The following BCHE variants were observed in gnomAD, a reference collection of about 807,000 sequenced individuals.
The protein encoded by BCHE is butyrylcholinesterase, also known as cholinesterase.
A neutral mutation model predicts 51.3 loss-of-function variants in BCHE; 48 were observed. The ratio of observed to expected loss-of-function variants is 0.94; its 90% CI spans 0.74 to 1.19. The LOEUF (loss-of-function observed/expected upper bound fraction) is 1.19. BCHE is among the 50% of genes most tolerant of loss of function. BCHE has a pLI of 0.00. For missense variants in BCHE, 847 were observed against 708.2 expected (o/e 1.20, Z -2.23); for synonymous variants, 251 against 238.0 (o/e 1.05, Z -0.50).
At chr3:165,831,915 T>C (rs1049801560) in intron 1 of BCHE, among the ~76,000 whole-genome samples, 2 of 152,192 alleles carry the variant, frequency 1.3e-5, no homozygotes, top group South Asian at 4.1e-4. Context: ...TTACTCAATA[T>C]GTATTCATAT....
In BCHE at chr3:165,786,176, T is replaced by C. The variant is rs750718617; in HGVS notation, c.1653A>G (p.Thr551=). The C allele has an allele frequency of 1.2e-6, 2 of 1,612,194 alleles. No individual in the cohort carries two copies. Among genetic ancestry groups the C allele is most frequent in the South Asian group, 1.1e-5 (1 of 91,046 alleles). ...KLRAQQCRFW[T]SFFPKVLEMT... ...TTTCCAAGACTTTTGGAAAAAATGA[T>C]GTCCAGAATCGACATTGTTGAGCAC... The change falls in exon 3 of 4, where the codon ACA becomes ACG. Residue 551 remains threonine (T), a synonymous_variant. Transcript: ENST00000264381.
At chr3:165,810,999 G>A (rs1714072203) in intron 2 of BCHE, among the ~76,000 whole-genome samples, 1 of 152,134 alleles carries the variant, frequency 6.6e-6, no homozygotes, top group East Asian at 1.9e-4. Context: ...GGAGTTATAC[G>A]TTAAATTGAC....
intron 2 of BCHE, among the ~76,000 whole-genome samples, chr3:165,788,299 G>T (rs936220335): frequency 3.3e-5 from 5 of 151,976 alleles, no homozygotes. Context: ...ATGAATTCAG[G>T]AGCTTTAGAG....
At chr3:165,833,432 A>G (rs1370744892) in intron 1 of BCHE, among the ~76,000 whole-genome samples, 1 of 152,120 alleles carries the variant, frequency 6.6e-6, no homozygotes, top group Non-Finnish European at 1.5e-5. Context: ...ACAAATCTGT[A>G]TAACATGTTC....
chr3:165,818,285 TAA>T (rs1714381376), intron 2 of BCHE, among the ~76,000 whole-genome samples: 1 of 152,000 alleles, frequency 6.6e-6, no homozygotes, highest in Non-Finnish European at 1.5e-5. Context: ...TCATTTTGGA[TAA>T]AGTTTACCTA....
At chr3:165,812,380 A>G (rs1214898361) in intron 2 of BCHE, among the ~76,000 whole-genome samples, 1 of 151,608 alleles carries the variant, frequency 6.6e-6, no homozygotes, top group East Asian at 1.9e-4. Flanking sequence ...TTTACTCTAT[A>G]TATAATTTTA....
At chr3:165,799,650 A>G (rs545513920) in intron 2 of BCHE, among the ~76,000 whole-genome samples, 2 of 152,282 alleles carry the variant, frequency 1.3e-5, no homozygotes, top group South Asian at 4.1e-4. Context: ...TACCATAAAC[A>G]TATATACAGA....
chr3:165,775,214 T>G (rs1455222131), intron 3 of BCHE, among the ~76,000 whole-genome samples: 1 of 152,040 alleles, frequency 6.6e-6, no homozygotes, highest in African/African-American at 2.4e-5. Context: ...TAAACCTTTT[T>G]GCAGACATTA....
intron 2 of BCHE, among the ~76,000 whole-genome samples, chr3:165,820,364 T>TA (rs1197957751): frequency 3.7e-4 from 57 of 152,102 alleles, no homozygotes; most frequent in Non-Finnish European, 2.5e-4. Flanking sequence ...CCATTTTTTT[T>TA]AAACCTACAT....
At position 165,829,604 on chromosome 3, in the gene BCHE, G is replaced by A. The variant is rs200151790; in HGVS notation, c.1430C>T (p.Pro477Leu). The change falls in exon 2 of 4, where the codon CCT becomes CTT. Residue 477 changes from proline to leucine, a missense_variant. Transcript: ENST00000264381. ...TGTGTAATTATCTCTTCTTTCCAGAGGTAAACCAAAGACAAATTCAATTTC... is the reference window on the plus strand; with the variant it reads ...TGTGTAATTATCTCTTCTTTCCAGAAGTAAACCAAAGACAAATTCAATTTC... Reference protein sequence around the residue: ...GYEIEFVFGLPLERRDNYTKA... With the variant: ...GYEIEFVFGLLLERRDNYTKA... 3.7e-6 allele frequency: 6 copies of A among 1,613,666 alleles called. No homozygotes were observed. The East Asian group carries it at 1.3e-4, about 36-fold the overall frequency.
intron 2 of BCHE, among the ~76,000 whole-genome samples, chr3:165,787,554 G>A (rs542889081): frequency 6.6e-6 from 1 of 151,970 alleles, no homozygotes; most frequent in Admixed American, 6.6e-5. Flanking sequence ...TGGGAATCTG[G>A]CTGAAAGAGA....
At chr3:165,819,813 T>C (rs1181258615) in intron 2 of BCHE, among the ~76,000 whole-genome samples, 2 of 152,134 alleles carry the variant, frequency 1.3e-5, no homozygotes, top group Non-Finnish European at 2.9e-5. Context: ...AATATATAAA[T>C]TCACATTTTA....
intron 2 of BCHE, among the ~76,000 whole-genome samples, chr3:165,821,595 G>A (rs1714519789): frequency 6.6e-6 from 1 of 151,852 alleles, no homozygotes; most frequent in African/African-American, 2.4e-5. Context: ...AAACATTAGA[G>A]AACAAATTAT....
intron 2 of BCHE, among the ~76,000 whole-genome samples, chr3:165,822,719 G>A (rs893729280): frequency 1.4e-4 from 22 of 152,146 alleles, no homozygotes; most frequent in African/African-American, 5.1e-4. Flanking sequence ...TCATCTGCAA[G>A]AGTAGAAAGA....
chr3:165,807,548 T>TTTTA (rs1553776080), intron 2 of BCHE, among the ~76,000 whole-genome samples: 65 of 150,892 alleles, frequency 4.3e-4, no homozygotes, highest in African/African-American at 1.6e-3. Flanking sequence ...ATTTATTTAT[T>TTTTA]TTTATTTATT....
At chr3:165,805,365 A>C (rs1250960519) in intron 2 of BCHE, among the ~76,000 whole-genome samples, 1 of 152,192 alleles carries the variant, frequency 6.6e-6, no homozygotes, top group Non-Finnish European at 1.5e-5. Flanking sequence ...GCCAGATTGC[A>C]AATCACAAAA....
intron 3 of BCHE, among the ~76,000 whole-genome samples, chr3:165,785,762 G>A (rs1341314163): frequency 6.6e-6 from 1 of 151,106 alleles, no homozygotes; most frequent in Admixed American, 6.6e-5. Flanking sequence ...ACCAATTTAT[G>A]CATCTTATTT....
intron 3 of BCHE, among the ~76,000 whole-genome samples, chr3:165,785,802 A>G (rs901581267): frequency 2.0e-5 from 3 of 151,640 alleles, no homozygotes; most frequent in African/African-American, 7.2e-5. Flanking sequence ...ATTATTTGAT[A>G]TATTTATTTC....
intron 1 of BCHE, among the ~76,000 whole-genome samples, chr3:165,834,601 A>G (rs1409404252): frequency 1.3e-5 from 2 of 151,934 alleles, no homozygotes; most frequent in Non-Finnish European, 2.9e-5. Context: ...ATCTGGTATT[A>G]TCTATTCTAA....
Sources: allele counts gnomAD v4.1 joint callset (sites outside exome capture counted in the v4.1 genomes callset), GRCh38; gene constraint gnomAD v4.1.1; transcripts MANE v1.5; gene names NCBI Gene and HGNC (gene_info 2026-07-23, HGNC 2026-07-21).